Variants in RIT2 observed in about 807,000 individuals in gnomAD.
RIT2 encodes Ras like without CAAX 2.
In RIT2, 24 loss-of-function variants were observed where a neutral mutation model predicts 23.7. That is an observed-to-expected ratio of 1.01 (90% CI 0.73 to 1.43). RIT2 has a LOEUF of 1.43. RIT2 is among the 40% of genes most tolerant of loss of function. The pLI, the probability that RIT2 is intolerant of heterozygous loss-of-function variation, is 0.00. For missense variants in RIT2, 236 were observed against 266.9 expected (o/e 0.88, Z 0.81); for synonymous variants, 107 against 91.1 (o/e 1.17, Z -0.99).
intron 4 of RIT2, among the ~76,000 whole-genome samples, chr18:42,794,559 T>G (rs1914113105): frequency 6.6e-6 from 1 of 152,226 alleles, no homozygotes; most frequent in African/African-American, 2.4e-5. Flanking sequence ...TGAGCTTACA[T>G]TTTTTAAGGT....
At chr18:43,088,893 GAAAA>G (rs1199103317) in intron 1 of RIT2, among the ~76,000 whole-genome samples, 1 of 151,950 alleles carries the variant, frequency 6.6e-6, no homozygotes, top group Admixed American at 6.6e-5. Flanking sequence ...GTTAATTACG[GAAAA>G]AACATGAGGC....
intron 4 of RIT2, among the ~76,000 whole-genome samples, chr18:42,885,378 G>A (rs1357236113): frequency 6.6e-6 from 1 of 152,170 alleles, no homozygotes; most frequent in Non-Finnish European, 1.5e-5. Context: ...GAGGTCAGGA[G>A]ATCAAGATCA....
chr18:42,955,386 A>G (rs1024073589), intron 3 of RIT2, among the ~76,000 whole-genome samples: 2 of 152,198 alleles, frequency 1.3e-5, no homozygotes, highest in African/African-American at 4.8e-5. Context: ...CCAGCTGACC[A>G]TGGTGGCACA....
chr18:42,911,221 C>T lies in RIT2; in HGVS notation c.426+12351G>A, dbSNP rs1052040121. Reference sequence around the variant, plus strand: ...TAGGAAATTTCAAGGGAAAATAATACGTAGAGTGGAATAAAAATAAACACA... The same window carrying T: ...TAGGAAATTTCAAGGGAAAATAATATGTAGAGTGGAATAAAAATAAACACA... On this transcript the variant is annotated intron_variant, in intron 4 of 4. Coordinates refer to ENST00000326695, the MANE Select transcript of RIT2 (RefSeq NM_002930.4). 5.3e-5 allele frequency among the ~76,000 whole-genome samples: 8 copies of T among 151,518 alleles called. No homozygotes were observed. The South Asian group carries it at 1.0e-3, about 20-fold the overall frequency.
Position 43,045,243 on chromosome 18 carries a change from C to T in RIT2, c.104-11376G>A, listed in dbSNP as rs145925175. ...CTAATGGAGACAATTACTGGAGTCT[C>T]ATCTACATGAATGGGTGGTAGTAAC... On this transcript the variant is annotated intron_variant, in intron 1 of 4. Coordinates refer to ENST00000326695, the MANE Select transcript of RIT2 (RefSeq NM_002930.4). Among the ~76,000 whole-genome samples, 74 of 152,224 alleles carry T rather than the reference C, an allele frequency of 4.9e-4. No homozygotes were observed. In the East Asian group the frequency reaches 0.011, roughly 24 times the overall value.
chr18:42,938,752 T>G (rs996065224), intron 3 of RIT2, among the ~76,000 whole-genome samples: 1 of 152,120 alleles, frequency 6.6e-6, no homozygotes, highest in Non-Finnish European at 1.5e-5. Context: ...ACACTACTTT[T>G]TTAAGAGACG....
chr18:42,754,817 G>A (rs1913124126), intron 4 of RIT2, among the ~76,000 whole-genome samples: 1 of 152,182 alleles, frequency 6.6e-6, no homozygotes, highest in South Asian at 2.1e-4. Context: ...AGACCACAGA[G>A]TCCATTATAA....
chr18:43,027,416 T>G (rs190197916), intron 2 of RIT2, among the ~76,000 whole-genome samples: 1 of 152,180 alleles, frequency 6.6e-6, no homozygotes, highest in East Asian at 1.9e-4. Flanking sequence ...TGAGCAAGAT[T>G]TTTGATTTGG....
At chr18:42,932,955 A>T (rs1423646645) in intron 3 of RIT2, among the ~76,000 whole-genome samples, 1 of 152,090 alleles carries the variant, frequency 6.6e-6, no homozygotes, top group Non-Finnish European at 1.5e-5. Context: ...AATTAATTAT[A>T]TCTTTCTTAT....
chr18:43,039,713 G>C (rs1438869048), intron 1 of RIT2, among the ~76,000 whole-genome samples: 1 of 152,022 alleles, frequency 6.6e-6, no homozygotes, highest in Non-Finnish European at 1.5e-5. Context: ...TGGTTTAATT[G>C]TACTTTTTGT....
chr18:43,101,026 T>C (rs1913671229), intron 1 of RIT2, among the ~76,000 whole-genome samples: 2 of 151,862 alleles, frequency 1.3e-5, no homozygotes, highest in African/African-American at 4.8e-5. Context: ...CATATATATA[T>C]TTTCTGTCTG....
chr18:43,039,507 C>T (rs967246891), intron 1 of RIT2, among the ~76,000 whole-genome samples: 2 of 151,888 alleles, frequency 1.3e-5, no homozygotes, highest in African/African-American at 2.4e-5. Flanking sequence ...TGACACCATG[C>T]CCGACTAATT....
chr18:43,070,055 GTA>G (rs1423717526), intron 1 of RIT2, among the ~76,000 whole-genome samples: 1 of 152,112 alleles, frequency 6.6e-6, no homozygotes, highest in African/African-American at 2.4e-5. Flanking sequence ...AAATGCACAA[GTA>G]TATATGCCAA....
intron 2 of RIT2, among the ~76,000 whole-genome samples, chr18:43,003,479 A>G (rs550481079): frequency 2.0e-5 from 3 of 152,074 alleles, no homozygotes; most frequent in South Asian, 4.1e-4. Flanking sequence ...AGCCTCTTAT[A>G]TGAAGAATTG....
At chr18:43,055,083 G>A (rs917872365) in intron 1 of RIT2, among the ~76,000 whole-genome samples, 6 of 152,034 alleles carry the variant, frequency 3.9e-5, no homozygotes, top group Admixed American at 3.9e-4. Context: ...CTTTTGAGCT[G>A]TTCCTGTTGT....
intron 4 of RIT2, among the ~76,000 whole-genome samples, chr18:42,792,327 T>G (rs1468134412): frequency 6.6e-6 from 1 of 152,204 alleles, no homozygotes; most frequent in Non-Finnish European, 1.5e-5. Flanking sequence ...AAATGCTTAA[T>G]GGCATCAGAG....
chr18:42,859,143 A>G (rs1907262077), intron 4 of RIT2, among the ~76,000 whole-genome samples: 1 of 152,198 alleles, frequency 6.6e-6, no homozygotes, highest in Non-Finnish European at 1.5e-5. Flanking sequence ...TTTGTTCCAC[A>G]GAGGGCACAC....
intron 4 of RIT2, among the ~76,000 whole-genome samples, chr18:42,921,860 G>A (rs1424994099): frequency 6.6e-6 from 1 of 152,084 alleles, no homozygotes; most frequent in Non-Finnish European, 1.5e-5. Flanking sequence ...TAAAGCACTA[G>A]CACTCTTCAG....
chr18:42,918,739 G>A lies in RIT2; in HGVS notation c.426+4833C>T, dbSNP rs1314109141. Among the ~76,000 whole-genome samples the A allele has an allele frequency of 2.0e-5, 3 of 152,054 alleles. 1 individual carries two copies. Among genetic ancestry groups the A allele is most frequent in the Non-Finnish European group, 2.9e-5 (2 of 68,004 alleles). Reference sequence around the variant, plus strand: ...TAGGACGCTTGATATGTGTGTACTAGGCAGATTTATCTTCCAAGTTTCCCA... The same window carrying A: ...TAGGACGCTTGATATGTGTGTACTAAGCAGATTTATCTTCCAAGTTTCCCA... On this transcript the variant is annotated intron_variant, in intron 4 of 4. Transcript: ENST00000326695.
Sources: allele counts gnomAD v4.1 joint callset (sites outside exome capture counted in the v4.1 genomes callset), GRCh38; gene constraint gnomAD v4.1.1; transcripts MANE v1.5; gene names NCBI Gene and HGNC (gene_info 2026-07-23, HGNC 2026-07-21).